Variants in WBP1 observed in about 807,000 individuals in gnomAD.
WBP1 encodes the protein WW domain binding protein 1.
Under a neutral mutation model 25.6 loss-of-function variants are expected in WBP1, and 18 were observed. That is an observed-to-expected ratio of 0.70 (90% CI 0.49 to 1.04). The LOEUF is 1.04. Among genes scored for constraint, WBP1 ranks in the 50% least tolerant of loss-of-function variants. The probability of loss-of-function intolerance (pLI) is 0.00; values close to 1 mark genes in which losing one functional copy is unlikely to be tolerated. For synonymous variants in WBP1, 122 were observed against 137.7 expected, an observed-to-expected ratio of 0.89 and a Z score of 0.80; for missense variants, 330 against 352.9, an observed-to-expected ratio of 0.94 and a Z score of 0.52.
Position 74,460,270 on chromosome 2 carries a change from C to T in WBP1, c.399C>T (p.Arg133=), listed in dbSNP as rs770857195. ...KPPAYEDVVH[R]PGTPPPPYTV... is the part of the protein sequence containing the mutation. ...CAGCCTACGAGGATGTGGTTCACCG[C>T]CCAGGCACACCACCCCCCCCTTATA... The change falls in exon 4 of 4, where the codon CGC becomes CGT. Residue 133 remains arginine (R), a synonymous_variant. Coordinates refer to ENST00000233615, the MANE Select transcript of WBP1 (RefSeq NM_012477.4). The T allele has an allele frequency of 7.9e-5, 128 of 1,613,824 alleles. 2 individuals are homozygous for T. The South Asian group carries it at 1.4e-3, about 17-fold the overall frequency.
rs1228495294 is a variant in WBP1 at position 74,459,261 on chromosome 2, CTGAGAT to C, written c.70-380_70-375del. The C allele has an allele frequency of 5.4e-6, 5 of 918,852 alleles. No homozygotes were observed. In the Admixed American group the frequency reaches 1.0e-4, roughly 19 times the overall value. 56.9% of individuals were successfully genotyped at this position (918,852 alleles called of 1,614,324 possible). Reference sequence around the variant, plus strand: ...ACCTACCGCTACCCGTTGTCTGAGACTGAGATTATCTCAGACTGTCTTCTGGCTTCT... The same window carrying C: ...ACCTACCGCTACCCGTTGTCTGAGACTATCTCAGACTGTCTTCTGGCTTCT... On this transcript the variant is annotated intron_variant, in intron 1 of 3. Coordinates refer to ENST00000233615, the MANE Select transcript of WBP1 (RefSeq NM_012477.4).
chr2:74,459,680 A>G lies in WBP1; in HGVS notation c.107A>G (p.Tyr36Cys), dbSNP rs1473497692. The G allele has an allele frequency of 6.2e-7, 1 of 1,614,042 alleles. No individual in the cohort carries two copies. The highest frequency in any genetic ancestry group is 1.1e-5 in the South Asian group (1 of 91,078). The change falls in exon 2 of 4, where the codon TAC becomes TGC. Residue 36 changes from tyrosine to cysteine, a missense_variant. Coordinates refer to ENST00000233615, the MANE Select transcript of WBP1 (RefSeq NM_012477.4). ...ELCPGVNNQP[Y>C]LCESGHCCGE... The stretch of plus-strand genomic sequence containing the variant: ...TGCCCAGGAGTGAACAACCAGCCCT[A>G]CCTCTGTGAGAGTGGTCACTGCTGC...
chr2:74,458,812 G>A (rs982484782), intron 1 of WBP1, 141 bp downstream of exon 1: 17 of 1,531,440 alleles, frequency 1.1e-5, no homozygotes, highest in African/African-American at 4.1e-5. Context: ...TCCACTCTTT[G>A]TCTAAACTTT....
At chr2:74,459,186 G>A (rs915305049) in intron 1 of WBP1, 76 of 1,503,376 alleles carry the variant, frequency 5.1e-5, no homozygotes, top group Non-Finnish European at 6.2e-5. Context: ...AGTTGCGGGT[G>A]GGGGGTAGTG....
chr2:74,458,894 G>A (rs1671796889), intron 1 of WBP1: 1 of 1,550,748 alleles, frequency 6.4e-7, no homozygotes, highest in African/African-American at 1.4e-5. Context: ...GAAGCTTGCG[G>A]TGGCTCTCCA....
intron 1 of WBP1, 52 bp downstream of exon 1, chr2:74,458,723 T>G (rs1671791365): frequency 6.5e-7 from 1 of 1,542,544 alleles, no homozygotes. Flanking sequence ...CTCTTTCCCC[T>G]TTCCTTGTCC....
rs374955918 is a variant in WBP1 at position 74,459,832 on chromosome 2, C to T, written c.173-41C>T. 55 of 1,612,616 alleles carry T rather than the reference C, an allele frequency of 3.4e-5. No homozygotes were observed. In the Middle Eastern group the frequency reaches 8.2e-4, roughly 24 times the overall value. ...TTCGGCCTTCAGGGCCCCTTCTCTG[C>T]ATGAAAGATGCCTGAGTTGCTCCCT... On this transcript the variant is annotated intron_variant, in intron 2 of 3. Transcript: ENST00000233615.
intron 1 of WBP1, chr2:74,459,187 G>C (rs1449800793): frequency 2.0e-6 from 3 of 1,507,426 alleles, no homozygotes; most frequent in Non-Finnish European, 2.7e-6. Flanking sequence ...GTTGCGGGTG[G>C]GGGGTAGTGA....
intron 3 of WBP1, 82 bp downstream of exon 3, chr2:74,460,131 A>ACACATTT (rs113321228): frequency 0.18 from 285,488 of 1,573,434 alleles, 40,405 homozygotes; most frequent in East Asian, 0.83. Context: ...TCCCTTTTCC[A>ACACATTT]CACATTTCAA....
In WBP1 at chr2:74,459,883, G is replaced by C; in HGVS notation, c.183G>C (p.Leu61=). The C allele has an allele frequency of 1.9e-6, 3 of 1,614,052 alleles. No homozygotes were observed. Among genetic ancestry groups the C allele is most frequent in the Non-Finnish European group, 2.5e-6 (3 of 1,179,912 alleles). ...CCTTGCCTCTTGCAGGGTTCTGGCT[G>C]CTCTGGACTGTCCTCATCCTCTTTA... ...TYYYELWWFW[L]LWTVLILFSC... is the part of the protein sequence containing the mutation. Residue 61 remains leucine (L), a synonymous_variant, in exon 3 of 4, where the codon CTG becomes CTC. Coordinates refer to ENST00000233615, the MANE Select transcript of WBP1 (RefSeq NM_012477.4).
chr2:74,460,852 C>A lies in WBP1; in HGVS notation c.*171C>A, dbSNP rs964557487. 9 of 647,752 alleles carry A rather than the reference C, an allele frequency of 1.4e-5. No individual in the cohort carries two copies. The highest frequency in any genetic ancestry group is 2.4e-5 in the Non-Finnish European group (9 of 373,014). 40.1% of individuals were successfully genotyped at this position (647,752 alleles called of 1,614,324 possible). ...TACCCCCGCAGGACATACACAGGAG[C>A]CTTTGATCTCATTAAAGAGATGTGA... On this transcript the variant is annotated 3_prime_UTR_variant, in exon 4 of 4. Transcript: ENST00000233615.
At chr2:74,458,745 G>C in intron 1 of WBP1, 74 bp downstream of exon 1, 1 of 1,526,234 alleles carries the variant, frequency 6.6e-7, no homozygotes, top group Non-Finnish European at 8.8e-7. Flanking sequence ...TTCCTTTTGG[G>C]GGTGGGGGAG....
intron 1 of WBP1, 75 bp downstream of exon 1, chr2:74,458,746 G>T: frequency 2.6e-6 from 4 of 1,526,132 alleles, no homozygotes; most frequent in East Asian, 2.5e-5. Flanking sequence ...TCCTTTTGGG[G>T]GTGGGGGAGG....
At position 74,459,249 on chromosome 2, in the gene WBP1, C is replaced by T. The variant is rs1671814837; in HGVS notation, c.70-394C>T. ...GCTTTGGAAATGACCTACCGCTACC[C>T]GTTGTCTGAGACTGAGATTATCTCA... On this transcript the variant is annotated intron_variant, in intron 1 of 3. Coordinates refer to ENST00000233615, the MANE Select transcript of WBP1 (RefSeq NM_012477.4). 9.7e-6 allele frequency: 10 copies of T among 1,025,720 alleles called. No homozygotes were observed. The South Asian group carries it at 1.3e-4, about 13-fold the overall frequency. 63.5% of individuals were successfully genotyped at this position (1,025,720 alleles called of 1,614,324 possible). A position where few individuals can be genotyped will look rare whatever the true frequency, so the allele number is the denominator to read the frequency against.
rs1671814335 is a variant in WBP1 at position 74,459,236 on chromosome 2, A to ACCTAC, written c.70-405_70-401dup. 6 of 1,193,980 alleles carry ACCTAC rather than the reference A, an allele frequency of 5.0e-6. No homozygotes were observed. The South Asian group carries it at 9.4e-5, about 19-fold the overall frequency. 74.0% of individuals were successfully genotyped at this position (1,193,980 alleles called of 1,614,324 possible). ...ATGAAAGCAACTTGCTTTGGAAATG[A>ACCTAC]CCTACCGCTACCCGTTGTCTGAGAC... On this transcript the variant is annotated intron_variant, in intron 1 of 3. Coordinates refer to ENST00000233615, the MANE Select transcript of WBP1 (RefSeq NM_012477.4).
At chr2:74,459,159 CA>C in intron 1 of WBP1, 3 of 1,526,402 alleles carry the variant, frequency 2.0e-6, no homozygotes, top group Non-Finnish European at 2.6e-6. Context: ...GCCTGAGGCC[CA>C]GGGGTGGAAA....
chr2:74,459,191 G>T (rs1349627206), intron 1 of WBP1: 6 of 1,495,290 alleles, frequency 4.0e-6, no homozygotes, highest in East Asian at 4.9e-5. Context: ...CGGGTGGGGG[G>T]TAGTGAACCG....
intron 3 of WBP1, 46 bp from the exon 4 acceptor site, chr2:74,460,175 A>T: frequency 6.3e-7 from 1 of 1,584,210 alleles, no homozygotes; most frequent in Non-Finnish European, 8.6e-7. Flanking sequence ...CTAGCACCCT[A>T]TACCTGGTTG....
At position 74,459,667 on chromosome 2, in the gene WBP1, A is replaced by T. The variant is rs544990744; in HGVS notation, c.94A>T (p.Asn32Tyr). The T allele has an allele frequency of 1.9e-6, 3 of 1,614,096 alleles. No individual in the cohort carries two copies. In the East Asian group the frequency reaches 6.7e-5, roughly 36 times the overall value. ...GCTTCGAGAGCTGTGCCCAGGAGTG[A>T]ACAACCAGCCCTACCTCTGTGAGAG... ...QQLRELCPGVNNQPYLCESGH... is the reference protein window; with the variant it reads ...QQLRELCPGVYNQPYLCESGH... The change falls in exon 2 of 4, where the codon AAC becomes TAC. Residue 32 changes from asparagine (N) to tyrosine (Y), a missense_variant. Asn to Tyr is a moderately radical substitution (Grantham distance 143). Transcript: ENST00000233615.
Sources: gnomAD v4.1 joint callset for allele counts on GRCh38, gnomAD v4.1.1 for gene constraint, MANE v1.5 for transcripts, NCBI Gene and HGNC (gene_info 2026-07-23, HGNC 2026-07-21) for gene names.